Variants in IMMP2L observed in about 807,000 individuals in gnomAD.
IMMP2L encodes the protein inner mitochondrial membrane peptidase subunit 2, also known as mitochondrial inner membrane protease subunit 2.
In IMMP2L, 18 loss-of-function variants were observed where a neutral mutation model predicts 19.3. That is an observed-to-expected ratio of 0.93 (90% CI 0.64 to 1.38). The LOEUF is 1.38. IMMP2L is among the 40% of genes most tolerant of loss of function. The probability of loss-of-function intolerance (pLI) is 0.00; values close to 1 mark genes in which losing one functional copy is unlikely to be tolerated. For synonymous variants in IMMP2L, 76 were observed against 73.0 expected (o/e 1.04, Z -0.21); for missense variants, 233 against 218.2 (o/e 1.07, Z -0.43).
At chr7:111,211,301 T>C (rs1811283135) in intron 3 of IMMP2L, among the ~76,000 whole-genome samples, 1 of 152,090 alleles carries the variant, frequency 6.6e-6, no homozygotes, top group Non-Finnish European at 1.5e-5. Context: ...GAAATGACTC[T>C]ATGCGGAACT....
chr7:111,181,059 T>A (rs773730548), intron 3 of IMMP2L, among the ~76,000 whole-genome samples: 1 of 152,028 alleles, frequency 6.6e-6, no homozygotes, highest in South Asian at 2.1e-4. Flanking sequence ...ATTATTACAT[T>A]ATTATCACAA....
intron 5 of IMMP2L, among the ~76,000 whole-genome samples, chr7:110,718,234 T>C (rs1795350620): frequency 6.6e-6 from 1 of 152,234 alleles, no homozygotes; most frequent in Non-Finnish European, 1.5e-5. Flanking sequence ...GCATGATTTC[T>C]GGTGTAAAAG....
chr7:110,823,024 T>C (rs1220489116), intron 5 of IMMP2L, among the ~76,000 whole-genome samples: 1 of 152,114 alleles, frequency 6.6e-6, no homozygotes, highest in Non-Finnish European at 1.5e-5. Context: ...AAAATCCTAT[T>C]GTTATTAACT....
chr7:111,534,088 C>T (rs1194466475), intron 1 of IMMP2L, among the ~76,000 whole-genome samples: 1 of 151,954 alleles, frequency 6.6e-6, no homozygotes, highest in Non-Finnish European at 1.5e-5. Context: ...AAACAAAGTA[C>T]TACTTTAGTC....
intron 5 of IMMP2L, among the ~76,000 whole-genome samples, chr7:110,884,599 C>T (rs1810018174): frequency 6.6e-6 from 1 of 151,958 alleles, no homozygotes; most frequent in Non-Finnish European, 1.5e-5. Context: ...AGAGACATCA[C>T]ACGCAATGGA....
At chr7:110,837,823 C>T (rs1804656250) in intron 5 of IMMP2L, among the ~76,000 whole-genome samples, 1 of 152,076 alleles carries the variant, frequency 6.6e-6, no homozygotes, top group South Asian at 2.1e-4. Flanking sequence ...GCTTTCCTTC[C>T]TAACCGGGAA....
chr7:111,294,585 G>C (rs1000029019), intron 3 of IMMP2L, among the ~76,000 whole-genome samples: 7 of 151,646 alleles, frequency 4.6e-5, no homozygotes, highest in Non-Finnish European at 1.0e-4. Flanking sequence ...TATAAATTTT[G>C]AGCAACCGTG....
chr7:111,241,993 GAAAATGCCTTTA>G (rs959046194), intron 3 of IMMP2L, among the ~76,000 whole-genome samples: 10 of 151,908 alleles, frequency 6.6e-5, no homozygotes, highest in African/African-American at 2.4e-4. Context: ...CCCAACCATG[GAAAATGCCTTTA>G]ACCAATATGT....
At chr7:111,135,293 C>T (rs988864881) in intron 3 of IMMP2L, among the ~76,000 whole-genome samples, 1 of 152,082 alleles carries the variant, frequency 6.6e-6, no homozygotes, top group East Asian at 1.9e-4. Flanking sequence ...ATAAGACATA[C>T]TCATACATAT....
chr7:111,159,150 C>A (rs189948293), intron 3 of IMMP2L, among the ~76,000 whole-genome samples: 2 of 152,120 alleles, frequency 1.3e-5, no homozygotes, highest in Non-Finnish European at 2.9e-5. Flanking sequence ...GAGTCTCGCT[C>A]TGTTACCCAG....
At position 110,951,685 on chromosome 7, in the gene IMMP2L, T is replaced by A. The variant is rs762724675; in HGVS notation, c.305+11815A>T. On this transcript the variant is annotated intron_variant, in intron 4 of 5. Coordinates refer to ENST00000405709, the MANE Select transcript of IMMP2L (RefSeq NM_032549.4). ...ATAACTTTGCCAAGGTTACACAGCT[T>A]TGTATGGAACACAGCAGGGACTGAA... Among the ~76,000 whole-genome samples, 1,077 of 152,196 alleles carry A rather than the reference T, an allele frequency of 7.1e-3. 8 individuals are homozygous for A. The highest frequency in any genetic ancestry group is 0.021 in the African/African-American group (856 of 41,546).
At chr7:111,164,119 G>C (rs1286592720) in intron 3 of IMMP2L, among the ~76,000 whole-genome samples, 1 of 140,424 alleles carries the variant, frequency 7.1e-6, no homozygotes, top group Non-Finnish European at 1.6e-5. Flanking sequence ...GAAGGGGAGG[G>C]AGGGGAGGGA....
intron 3 of IMMP2L, among the ~76,000 whole-genome samples, chr7:111,464,818 C>T (rs1449276716): frequency 6.6e-6 from 1 of 151,988 alleles, no homozygotes; most frequent in Non-Finnish European, 1.5e-5. Context: ...GAAACGGAGC[C>T]TAGCTTGTCA....
At chr7:111,359,330 C>T (rs1009101536) in intron 3 of IMMP2L, among the ~76,000 whole-genome samples, 3 of 152,008 alleles carry the variant, frequency 2.0e-5, no homozygotes, top group African/African-American at 4.8e-5. Context: ...GAGACAGAGT[C>T]TCTCTCTGTC....
intron 3 of IMMP2L, among the ~76,000 whole-genome samples, chr7:111,436,763 G>A (rs1837211683): frequency 6.6e-6 from 1 of 151,856 alleles, no homozygotes; most frequent in Admixed American, 6.6e-5. Flanking sequence ...AATTTATAAA[G>A]AAGAGGTTTA....
chr7:111,492,103 C>T (rs1404533451), intron 2 of IMMP2L, among the ~76,000 whole-genome samples: 1 of 151,952 alleles, frequency 6.6e-6, no homozygotes, highest in Admixed American at 6.6e-5. Flanking sequence ...CCTTGTCTCT[C>T]TTTCCAAGAG....
chr7:110,735,846 CAAAA>C (rs59078426), intron 5 of IMMP2L, among the ~76,000 whole-genome samples: 1 of 47,628 alleles, frequency 2.1e-5, no homozygotes, highest in African/African-American at 7.9e-5. Context: ...CACTCTGCCT[CAAAA>C]AAAAAAAAAA....
chr7:110,749,474 T>C (rs1017022910), intron 5 of IMMP2L, among the ~76,000 whole-genome samples: 2 of 152,148 alleles, frequency 1.3e-5, no homozygotes. Flanking sequence ...CTGTTCACAA[T>C]AGCAAAGACT....
At chr7:110,818,637 C>T (rs1802753960) in intron 5 of IMMP2L, among the ~76,000 whole-genome samples, 1 of 152,094 alleles carries the variant, frequency 6.6e-6, no homozygotes, top group African/African-American at 2.4e-5. Context: ...GGGTTATAAT[C>T]ATGCTGCTAT....
Sources: gnomAD v4.1 joint callset for allele counts (sites outside exome capture counted in the v4.1 genomes callset) on GRCh38, gnomAD v4.1.1 for gene constraint, MANE v1.5 for transcripts, NCBI Gene and HGNC (gene_info 2026-07-23, HGNC 2026-07-21) for gene names.